The following NEBL variants were observed in gnomAD, a reference collection of about 807,000 sequenced individuals.
NEBL encodes nebulette.
A neutral mutation model predicts 140.2 loss-of-function variants in NEBL; 122 were observed. The observed-to-expected ratio is 0.87, with a 90% CI of 0.75 to 1.01. NEBL has a LOEUF of 1.01. Ranked by LOEUF, NEBL falls within the 50% of genes least tolerant of loss-of-function variation. The pLI is 0.00. For synonymous variants in NEBL, 436 were observed against 398.9 expected (o/e 1.09, Z -1.11); for missense variants, 1,365 against 1,231.3 (o/e 1.11, Z -1.62).
At chr10:21,048,472 T>C (rs1351313282) in intron 2 of NEBL, among the ~76,000 whole-genome samples, 1 of 122,638 alleles carries the variant, frequency 8.2e-6, no homozygotes, top group African/African-American at 2.8e-5. Context: ...AAAAAAAACC[T>C]AAGTAACAGA....
intron 1 of NEBL, among the ~76,000 whole-genome samples, chr10:21,262,345 G>GC (rs1269667352): frequency 2.6e-5 from 4 of 152,148 alleles, no homozygotes; most frequent in Non-Finnish European, 5.9e-5. Context: ...CAAGAAGTTT[G>GC]CCCCAGATCA....
chr10:20,852,456 A>C, intron 10 of NEBL, 89 bp downstream of exon 10: 1 of 829,270 alleles, frequency 1.2e-6, no homozygotes, highest in Non-Finnish European at 2.1e-6. Flanking sequence ...GTACTTTCTC[A>C]GTTAAGACGC....
At chr10:21,226,921 G>A (rs971848970) in intron 3 of NEBL, among the ~76,000 whole-genome samples, 3 of 151,908 alleles carry the variant, frequency 2.0e-5, no homozygotes, top group Admixed American at 6.6e-5. Context: ...GACCATCACT[G>A]GAGGCTTCAA....
chr10:21,106,301 AGGATTTTTAT>A (rs1324297341), intron 2 of NEBL, among the ~76,000 whole-genome samples: 1 of 152,268 alleles, frequency 6.6e-6, no homozygotes, highest in East Asian at 1.9e-4. Context: ...GTTTTCTTCT[AGGATTTTTAT>A]GGTTTCAGGT....
At chr10:20,844,437 C>G (rs7896084) in intron 12 of NEBL, among the ~76,000 whole-genome samples, 33,527 of 149,432 alleles carry the variant, frequency 0.22, 4,157 homozygotes, top group East Asian at 0.43. Context: ...ACTTAGGGAA[C>G]ACTTTCCCTT....
At chr10:21,213,040 G>C (rs1841941140) in intron 3 of NEBL, among the ~76,000 whole-genome samples, 1 of 151,934 alleles carries the variant, frequency 6.6e-6, no homozygotes, top group Non-Finnish European at 1.5e-5. Context: ...TAATATCGGA[G>C]TGCTCACCAT....
chr10:21,110,681 C>A, intron 2 of NEBL: 1 of 470,206 alleles, frequency 2.1e-6, no homozygotes, highest in African/African-American at 2.0e-5. Flanking sequence ...GCCACCACCC[C>A]ATGGAAGGCT....
intron 4 of NEBL, among the ~76,000 whole-genome samples, chr10:20,961,111 T>A (rs1417624804): frequency 6.6e-6 from 1 of 152,194 alleles, no homozygotes; most frequent in Non-Finnish European, 1.5e-5. Flanking sequence ...AAGTACTGAA[T>A]TAATACCTCC....
chr10:21,011,451 A>G (rs141355206), intron 3 of NEBL, among the ~76,000 whole-genome samples: 111 of 152,372 alleles, frequency 7.3e-4, no homozygotes, highest in African/African-American at 2.6e-3. Flanking sequence ...CAACTGAAAC[A>G]GTCAGCTTAG....
At chr10:20,931,672 A>G (rs1394313744) in intron 4 of NEBL, among the ~76,000 whole-genome samples, 5 of 152,118 alleles carry the variant, frequency 3.3e-5, no homozygotes, top group Non-Finnish European at 5.9e-5. Flanking sequence ...CGGCCCATGC[A>G]GGGCGCAGAA....
chr10:21,258,632 G>A (rs879687997), intron 1 of NEBL, among the ~76,000 whole-genome samples: 11 of 152,202 alleles, frequency 7.2e-5, no homozygotes, highest in Non-Finnish European at 1.3e-4. Flanking sequence ...TTGAACCCAG[G>A]AGACGGAGGT....
At chr10:21,276,723 C>G (rs1842928932) in intron 1 of NEBL, among the ~76,000 whole-genome samples, 1 of 152,158 alleles carries the variant, frequency 6.6e-6, no homozygotes, top group African/African-American at 2.4e-5. Flanking sequence ...AACCCTAGAG[C>G]TTTGGGAGGC....
At chr10:20,817,341 T>C (rs542004010) in intron 21 of NEBL, among the ~76,000 whole-genome samples, 1 of 152,278 alleles carries the variant, frequency 6.6e-6, no homozygotes, top group East Asian at 1.9e-4. Flanking sequence ...CATTCCAGTC[T>C]GGGTGACAGA....
chr10:21,275,516 T>C (rs1842909854), intron 1 of NEBL, among the ~76,000 whole-genome samples: 1 of 152,326 alleles, frequency 6.6e-6, no homozygotes, highest in South Asian at 2.1e-4. Flanking sequence ...CTCCTCTCTG[T>C]TTTTCGTGTC....
At chr10:20,977,533 C>T (rs1836854350) in intron 3 of NEBL, among the ~76,000 whole-genome samples, 1 of 152,014 alleles carries the variant, frequency 6.6e-6, no homozygotes, top group Non-Finnish European at 1.5e-5. Context: ...AGAGGCATCA[C>T]AGATAGGCGA....
intron 2 of NEBL, among the ~76,000 whole-genome samples, chr10:21,104,218 T>C (rs1837607883): frequency 6.6e-6 from 1 of 152,214 alleles, no homozygotes; most frequent in African/African-American, 2.4e-5. Flanking sequence ...TTTGTTCTTC[T>C]TTTTCCAAAA....
intron 24 of NEBL, among the ~76,000 whole-genome samples, chr10:20,812,162 T>C (rs562029864): frequency 2.6e-5 from 4 of 152,302 alleles, no homozygotes; most frequent in African/African-American, 9.6e-5. Context: ...AATATGGTTA[T>C]TTCTGCCACT....
intron 2 of NEBL, among the ~76,000 whole-genome samples, chr10:21,057,018 TA>T (rs143826889): frequency 1.3e-5 from 2 of 152,002 alleles, no homozygotes; most frequent in African/African-American, 4.8e-5. Context: ...AAGTATTATT[TA>T]AAAAAACAGG....
At chr10:21,035,259 A>G (rs1225226668) in intron 2 of NEBL, among the ~76,000 whole-genome samples, 1 of 152,034 alleles carries the variant, frequency 6.6e-6, no homozygotes, top group Non-Finnish European at 1.5e-5. Context: ...CGGCCTCCCA[A>G]AGTGCTGGGA....
Sources: allele counts gnomAD v4.1 joint callset (sites outside exome capture counted in the v4.1 genomes callset), GRCh38; gene constraint gnomAD v4.1.1; transcripts MANE v1.5; gene names NCBI Gene and HGNC (gene_info 2026-07-23, HGNC 2026-07-21).